The following PRMT8 variants were observed in gnomAD, a reference collection of about 807,000 sequenced individuals.
PRMT8 encodes protein arginine N-methyltransferase 8.
Under a neutral mutation model 47.1 loss-of-function variants are expected in PRMT8, and 7 were observed. The observed-to-expected ratio is 0.15, with a 90% CI of 0.08 to 0.28. The LOEUF is 0.28. PRMT8 is among the 10% of genes least tolerant of loss of function. PRMT8 has a pLI of 1.00. For synonymous variants in PRMT8, 188 were observed against 186.5 expected (o/e 1.01, Z -0.07); for missense variants, 237 against 505.4 (o/e 0.47, Z 5.09).
chr12:3,404,369 G>A (rs1864352315), intron 1 of PRMT8, among the ~76,000 whole-genome samples: 4 of 152,116 alleles, frequency 2.6e-5, no homozygotes, highest in Admixed American at 2.6e-4. Flanking sequence ...CTTGCTATAT[G>A]TAGTATTCTA....
intron 1 of PRMT8, 131 bp downstream of exon 1, chr12:3,491,831 C>CGTGTGTGTGT: frequency 1.4e-6 from 1 of 738,920 alleles, no homozygotes; most frequent in East Asian, 5.4e-5. Context: ...CCGGCCTCCT[C>CGTGTGTGTGT]CTGTGTGTGT....
Position 3,592,334 on chromosome 12 carries a change from G to A in PRMT8, c.1083G>A (p.Lys361=), listed in dbSNP as rs1867325135. The change falls in exon 9 of 10, where the codon AAG becomes AAA. Residue 361 remains lysine (K), a synonymous_variant. Transcript: ENST00000382622. ...AAATCTACGGGACCATATCCATGAA[G>A]CCAAATGCCAAAAATGTGGTAAGTG... ...GEEIYGTISM[K]PNAKNVRDLD... 1 of 1,599,230 alleles carries A rather than the reference G, an allele frequency of 6.3e-7. No individual in the cohort carries two copies. Among genetic ancestry groups the A allele is most frequent in the African/African-American group, 1.4e-5 (1 of 73,982 alleles).
chr12:3,410,198 T>C (rs1864412807), intron 1 of PRMT8, among the ~76,000 whole-genome samples: 1 of 152,242 alleles, frequency 6.6e-6, no homozygotes, highest in South Asian at 2.1e-4. Context: ...GCAAACTTAT[T>C]GAGGCAAAAA....
chr12:3,451,368 T>C (rs1864917439), intron 1 of PRMT8, among the ~76,000 whole-genome samples: 1 of 152,132 alleles, frequency 6.6e-6, no homozygotes, highest in Non-Finnish European at 1.5e-5. Flanking sequence ...AGAACTCAGG[T>C]CTTCTGATTC....
chr12:3,557,580 C>T lies in PRMT8; in HGVS notation c.481+3866C>T, dbSNP rs760580903. Among the ~76,000 whole-genome samples, 40 of 152,166 alleles carry T rather than the reference C, an allele frequency of 2.6e-4. No individual in the cohort carries two copies. Among genetic ancestry groups the T allele is most frequent in the Non-Finnish European group, 5.0e-4 (34 of 68,018 alleles). On this transcript the variant is annotated intron_variant, in intron 4 of 9. Transcript: ENST00000382622. The surrounding 1 kb of genome is among the most constrained non-coding windows in gnomAD (Gnocchi z 4.7). ...GCCCTCCTCAGAGAAGTGCTTGACC[C>T]GGGCTCCCTATCTGCTTACTAAAGA... is the stretch of plus-strand genomic sequence containing the variant.
rs1029116170 is a variant in PRMT8, at chr12:3,569,089, A to C, written c.624+241A>C. Among the ~76,000 whole-genome samples, 1 of 152,164 alleles carries C rather than the reference A, an allele frequency of 6.6e-6. No homozygotes were observed. On this transcript the variant is annotated intron_variant, in intron 5 of 9. Coordinates refer to ENST00000382622, the MANE Select transcript of PRMT8 (RefSeq NM_019854.5). This position sits in a 1 kb window ranked among gnomAD's most constrained non-coding sequence, Gnocchi z 8.2. ...TCTCACCGCAGCCTCTTTTGCAATA[A>C]CAGACATCCGTTCTCTCTTGTCGAG...
At chr12:3,405,751 G>T (rs930571808) in intron 1 of PRMT8, among the ~76,000 whole-genome samples, 7 of 152,214 alleles carry the variant, frequency 4.6e-5, no homozygotes, top group African/African-American at 1.7e-4. Context: ...CAAGAGGTGG[G>T]CTCCATAGCC....
At position 3,540,824 on chromosome 12, in the gene PRMT8, G is replaced by A. The variant is rs750637415; in HGVS notation, c.261+33G>A. On this transcript the variant is annotated intron_variant, in intron 2 of 9. Coordinates refer to ENST00000382622, the MANE Select transcript of PRMT8 (RefSeq NM_019854.5). ...GTCCCGAGTGGGTGGCTAATGGGGC[G>A]AGGCTGACTCTGCTGTTCTGTTGTT... 1.8e-5 allele frequency: 28 copies of A among 1,595,150 alleles called. No homozygotes were observed. In the East Asian group the frequency reaches 5.6e-4, roughly 32 times the overall value.
chr12:3,407,496 G>A (rs1385501482), intron 1 of PRMT8, among the ~76,000 whole-genome samples: 1 of 152,066 alleles, frequency 6.6e-6, no homozygotes, highest in Non-Finnish European at 1.5e-5. Flanking sequence ...TGTTAATGGT[G>A]ATTCCCTTAT....
At position 3,461,964 on chromosome 12, in the gene PRMT8, G is replaced by C. The variant is rs1043390257; in HGVS notation, c.49-78642G>C. Among the ~76,000 whole-genome samples, 2 of 151,938 alleles carry C rather than the reference G, an allele frequency of 1.3e-5. 1 individual carries two copies. Among genetic ancestry groups the C allele is most frequent in the African/African-American group, 4.8e-5 (2 of 41,238 alleles). ...TATACAGATAAACTCATGTCACGAG[G>C]GTTTATTGTACAGATTATTTCATCA... On this transcript the variant is annotated intron_variant, in intron 1 of 9. Coordinates refer to the PRMT8 transcript ENST00000452611.
At chr12:3,477,462 C>A (rs117900252) in intron 1 of PRMT8, among the ~76,000 whole-genome samples, 2,108 of 152,286 alleles carry the variant, frequency 0.014, 19 homozygotes, top group Admixed American at 0.027. Flanking sequence ...TTTGTCTTGG[C>A]TTGGACGTGA....
upstream of PRMT8, among the ~76,000 whole-genome samples, chr12:3,487,501 T>A (rs1053712370): frequency 4.6e-5 from 7 of 152,314 alleles, no homozygotes; most frequent in Non-Finnish European, 1.0e-4. Context: ...GGAGACAGAA[T>A]TACAGAGTCC....
At chr12:3,476,543 A>G (rs979400) in intron 1 of PRMT8, among the ~76,000 whole-genome samples, 115,399 of 152,048 alleles carry the variant, frequency 0.76, 44,071 homozygotes, top group Middle Eastern at 0.86. Context: ...GCTCATTAGC[A>G]AGCATGTGTT....
At chr12:3,460,726 C>T (rs1234438987) in intron 1 of PRMT8, among the ~76,000 whole-genome samples, 6 of 152,192 alleles carry the variant, frequency 3.9e-5, no homozygotes, top group African/African-American at 1.4e-4. Flanking sequence ...AAGTAAGAAG[C>T]TATAGGTTTC....
chr12:3,574,958 G>T (rs1220777822), intron 6 of PRMT8, among the ~76,000 whole-genome samples: 1 of 152,214 alleles, frequency 6.6e-6, no homozygotes, highest in Non-Finnish European at 1.5e-5. Context: ...TTTATCTGGG[G>T]AGAGGGTGGA....
chr12:3,430,011 A>T (rs1721416267), intron 1 of PRMT8, among the ~76,000 whole-genome samples: 1 of 152,162 alleles, frequency 6.6e-6, no homozygotes, highest in African/African-American at 2.4e-5. Flanking sequence ...CCCCTCAGAC[A>T]CCAAGTTGTA....
At chr12:3,400,297 CAAAT>C (rs1394175353) in intron 1 of PRMT8, among the ~76,000 whole-genome samples, 2 of 152,048 alleles carry the variant, frequency 1.3e-5, no homozygotes, top group African/African-American at 4.8e-5. Context: ...AGAGAAGAAT[CAAAT>C]AAACACAATC....
chr12:3,457,985 G>A (rs768966813), intron 1 of PRMT8, among the ~76,000 whole-genome samples: 1 of 151,950 alleles, frequency 6.6e-6, no homozygotes, highest in Non-Finnish European at 1.5e-5. Flanking sequence ...TGGGACTATA[G>A]GCATGTGCCA....
In PRMT8 at chr12:3,573,467, T is replaced by C. The variant is rs114051874; in HGVS notation, c.713-3404T>C. Among the ~76,000 whole-genome samples, 909 of 152,342 alleles carry C rather than the reference T, an allele frequency of 6.0e-3. 8 individuals are homozygous for C. The highest frequency in any genetic ancestry group is 0.02 in the African/African-American group (831 of 41,568). ...GTTGGATAATTCTAACATCTGAGCA[T>C]CTCTAAATTTGGTTCTATGACTTTT... On this transcript the variant is annotated intron_variant, in intron 6 of 9. Transcript: ENST00000382622.
Sources: gnomAD v4.1 joint callset for allele counts (sites outside exome capture counted in the v4.1 genomes callset) on GRCh38, gnomAD v4.1.1 for gene constraint, Gnocchi (gnomAD v3.1) non-coding constraint, MANE v1.5 for transcripts, NCBI Gene and HGNC (gene_info 2026-07-23, HGNC 2026-07-21) for gene names.